Variants in FAM178B observed in about 807,000 individuals in gnomAD.
FAM178B encodes the protein protein FAM178B.
Under a neutral mutation model 91.7 loss-of-function variants are expected in FAM178B, and 82 were observed. That is an observed-to-expected ratio of 0.89 (90% CI 0.75 to 1.07). FAM178B has a LOEUF of 1.07. Ranked by LOEUF, FAM178B falls within the 50% of genes least tolerant of loss-of-function variation. FAM178B has a pLI of 0.00. For synonymous variants in FAM178B, 368 were observed against 359.4 expected (o/e 1.02, Z -0.27); for missense variants, 769 against 846.7 (o/e 0.91, Z 1.14).
chr2:96,957,423 A>C (rs2082014786), intron 6 of FAM178B, among the ~76,000 whole-genome samples: 1 of 152,180 alleles, frequency 6.6e-6, no homozygotes, highest in Non-Finnish European at 1.5e-5. Flanking sequence ...CCGATTCCCA[A>C]GACTGCAGAT....
At chr2:96,889,755 GA>G (rs1451592068) in intron 14 of FAM178B, among the ~76,000 whole-genome samples, 2 of 151,066 alleles carry the variant, frequency 1.3e-5, no homozygotes, top group Non-Finnish European at 2.9e-5. Context: ...AGAGCAAAAA[GA>G]AAAGCAAGAA....
chr2:96,911,796 C>T (rs142419545), intron 12 of FAM178B, among the ~76,000 whole-genome samples: 3 of 152,190 alleles, frequency 2.0e-5, no homozygotes, highest in African/African-American at 7.2e-5. Flanking sequence ...CCATAGGACT[C>T]CAGGCCTGGG....
At chr2:96,950,939 G>A (rs1299287211) in intron 7 of FAM178B, among the ~76,000 whole-genome samples, 2 of 152,140 alleles carry the variant, frequency 1.3e-5, no homozygotes, top group African/African-American at 4.8e-5. Flanking sequence ...CGGCCCTCCC[G>A]CTGCGTATGG....
At chr2:96,972,658 G>T in intron 1 of FAM178B, 52 bp from the exon 2 acceptor site, 2 of 1,504,116 alleles carry the variant, frequency 1.3e-6, no homozygotes, top group Non-Finnish European at 1.8e-6. Context: ...AAAGCTAAAG[G>T]TTCTAAACCC....
At chr2:96,878,846 C>T (rs2080310209) in intron 14 of FAM178B, among the ~76,000 whole-genome samples, 2 of 152,246 alleles carry the variant, frequency 1.3e-5, no homozygotes, top group Admixed American at 1.3e-4. Flanking sequence ...GGAGAGGGGC[C>T]TATCCACTCT....
chr2:96,900,140 C>G (rs902814643), intron 13 of FAM178B, among the ~76,000 whole-genome samples: 3 of 152,266 alleles, frequency 2.0e-5, no homozygotes, highest in African/African-American at 7.2e-5. Context: ...TGTCGCGCCC[C>G]CTCTGGCCTC....
intron 8 of FAM178B, among the ~76,000 whole-genome samples, chr2:96,941,119 T>C (rs2081722086): frequency 6.6e-6 from 1 of 152,258 alleles, no homozygotes; most frequent in South Asian, 2.1e-4. Flanking sequence ...GTGTATTGTG[T>C]ATTCATTTTG....
At chr2:96,976,745 G>A (rs1030545938) in intron 1 of FAM178B, among the ~76,000 whole-genome samples, 1 of 151,950 alleles carries the variant, frequency 6.6e-6, no homozygotes, top group African/African-American at 2.4e-5. Flanking sequence ...CTACTCAGGA[G>A]GCTGAGGCAG....
At chr2:96,901,622 AAAC>A (rs1201127345) in intron 13 of FAM178B, among the ~76,000 whole-genome samples, 2 of 152,316 alleles carry the variant, frequency 1.3e-5, no homozygotes, top group South Asian at 4.1e-4. Context: ...TATAAAAAAT[AAAC>A]AACAACAAAA....
Position 96,894,010 on chromosome 2 carries a change from T to C in FAM178B, c.1692A>G (p.Ser564=). ...LSRLLGLMRP[S]SLRQYLDSVP... ...CAGAGTCCAGGTATTGCCTGAGAGATGATGGCCTCATGAGGCCCAGGAGCC... is the reference window on the plus strand; with the variant it reads ...CAGAGTCCAGGTATTGCCTGAGAGACGATGGCCTCATGAGGCCCAGGAGCC... The change falls in exon 14 of 17, where the codon TCA becomes TCG. Residue 564 remains serine, a synonymous_variant. Coordinates refer to ENST00000490605, the MANE Select transcript of FAM178B (RefSeq NM_001122646.3). 6.2e-7 allele frequency: 1 copy of C among 1,612,474 alleles called. No homozygotes were observed. The highest frequency in any genetic ancestry group is 8.5e-7 in the Non-Finnish European group (1 of 1,179,566).
At chr2:96,971,800 G>C in intron 3 of FAM178B, 101 bp downstream of exon 3, 1 of 1,142,482 alleles carries the variant, frequency 8.8e-7, no homozygotes, top group Non-Finnish European at 1.2e-6. Flanking sequence ...AGGAAGAGCA[G>C]CTGGGGCGTG....
chr2:96,921,755 A>G, intron 10 of FAM178B, 101 bp from the exon 11 acceptor site: 1 of 1,223,058 alleles, frequency 8.2e-7, no homozygotes, highest in Admixed American at 2.2e-5. Flanking sequence ...AAGGGATGGT[A>G]CTGTGAGCCC....
chr2:96,938,819 GAAGC>G, intron 8 of FAM178B: 2 of 152,476 alleles, frequency 1.3e-5, no homozygotes, highest in South Asian at 4.1e-4. Context: ...GCCAAGCGTA[GAAGC>G]AAGGAGGCGG....
At chr2:96,920,211 T>C (rs747494364) in intron 12 of FAM178B, among the ~76,000 whole-genome samples, 9 of 151,778 alleles carry the variant, frequency 5.9e-5, no homozygotes, top group Non-Finnish European at 1.2e-4. Flanking sequence ...TAGCCAAAAG[T>C]GGGAGAAGGA....
At chr2:96,957,004 G>A (rs1481716420) in intron 6 of FAM178B, among the ~76,000 whole-genome samples, 1 of 150,100 alleles carries the variant, frequency 6.7e-6, no homozygotes, top group Non-Finnish European at 1.5e-5. Context: ...GACCACAGGT[G>A]TGCTATCACC....
At chr2:96,891,131 A>G (rs112574437) in intron 14 of FAM178B, among the ~76,000 whole-genome samples, 1,961 of 152,286 alleles carry the variant, frequency 0.013, 40 homozygotes, top group African/African-American at 0.045. Context: ...GCAGGCATCT[A>G]TGTTGCCCCT....
At chr2:96,976,035 A>C (rs2082283324) in intron 1 of FAM178B, among the ~76,000 whole-genome samples, 1 of 152,224 alleles carries the variant, frequency 6.6e-6, no homozygotes, top group African/African-American at 2.4e-5. Context: ...CATTCTTCCT[A>C]AGTACACATG....
intron 9 of FAM178B, among the ~76,000 whole-genome samples, chr2:96,925,099 G>A (rs2153371221): frequency 6.6e-6 from 1 of 152,198 alleles, no homozygotes; most frequent in East Asian, 1.9e-4. Flanking sequence ...CTGGGCCTGC[G>A]CCAGTACGTG....
chr2:96,901,417 G>A lies in FAM178B; in HGVS notation c.1650+1203C>T, dbSNP rs969781472. Among the ~76,000 whole-genome samples the A allele has an allele frequency of 3.3e-5, 5 of 151,782 alleles. No individual in the cohort carries two copies. In the East Asian group the frequency reaches 5.8e-4, roughly 18 times the overall value. On this transcript the variant is annotated intron_variant, in intron 13 of 16. Coordinates refer to ENST00000490605, the MANE Select transcript of FAM178B (RefSeq NM_001122646.3). ...TCGAACTCCTGACCTCAAGTGATCC[G>A]CCCACCTCGGCCTCCCAAAGTGCTG...
Sources: allele counts gnomAD v4.1 joint callset (sites outside exome capture counted in the v4.1 genomes callset), GRCh38; gene constraint gnomAD v4.1.1; transcripts MANE v1.5; gene names NCBI Gene and HGNC (gene_info 2026-07-23, HGNC 2026-07-21).